MACROD2: variants seen among roughly 807,000 people sequenced by gnomAD.
The protein encoded by MACROD2 is mono-ADP ribosylhydrolase 2, also known as ADP-ribose glycohydrolase MACROD2.
Under a neutral mutation model 70.4 loss-of-function variants are expected in MACROD2, and 36 were observed. The observed-to-expected ratio is 0.51, with a 90% CI of 0.39 to 0.68. The LOEUF (loss-of-function observed/expected upper bound fraction) is 0.68. Ranked by LOEUF, MACROD2 falls within the 30% of genes least tolerant of loss-of-function variation. The pLI is 0.00. For synonymous variants in MACROD2, 172 were observed against 178.8 expected (o/e 0.96, Z 0.30); for missense variants, 496 against 538.4 (o/e 0.92, Z 0.78).
intron 8 of MACROD2, among the ~76,000 whole-genome samples, chr20:15,531,422 A>G (rs2047799884): frequency 6.6e-6 from 1 of 152,004 alleles, no homozygotes; most frequent in African/African-American, 2.4e-5. Context: ...ATATAGAAAA[A>G]TTCAAAACAT....
intron 8 of MACROD2, among the ~76,000 whole-genome samples, chr20:15,822,876 A>T (rs1454527721): frequency 6.6e-6 from 1 of 152,164 alleles, no homozygotes; most frequent in Non-Finnish European, 1.5e-5. Context: ...CTCAGTGACA[A>T]TTTACATGCT....
intron 5 of MACROD2, among the ~76,000 whole-genome samples, chr20:15,221,280 A>G (rs2076859207): frequency 6.6e-6 from 1 of 152,058 alleles, no homozygotes; most frequent in Non-Finnish European, 1.5e-5. Context: ...GTCTATTTGG[A>G]CCTTCACCTC....
At chr20:15,325,198 C>T (rs2077915605) in intron 6 of MACROD2, among the ~76,000 whole-genome samples, 1 of 152,156 alleles carries the variant, frequency 6.6e-6, no homozygotes, top group African/African-American at 2.4e-5. Context: ...CTCTGGATAG[C>T]TAGGAATGTA....
At chr20:15,773,960 C>G (rs1298142819) in intron 8 of MACROD2, among the ~76,000 whole-genome samples, 2 of 152,122 alleles carry the variant, frequency 1.3e-5, no homozygotes, top group Non-Finnish European at 2.9e-5. Flanking sequence ...AATCAAATGT[C>G]TTCCATCAAA....
At chr20:14,232,572 T>C (rs939017741) in intron 3 of MACROD2, among the ~76,000 whole-genome samples, 4 of 152,256 alleles carry the variant, frequency 2.6e-5, no homozygotes, top group Admixed American at 6.5e-5. Flanking sequence ...CTACCTCCGC[T>C]AGCTCCCAGC....
intron 2 of MACROD2, among the ~76,000 whole-genome samples, chr20:14,061,218 T>G (rs2053687210): frequency 6.6e-6 from 1 of 152,190 alleles, no homozygotes. Flanking sequence ...ATTAATAGAC[T>G]ATTCCACTGA....
At chr20:15,245,510 T>A (rs1213690151) in intron 6 of MACROD2, among the ~76,000 whole-genome samples, 2 of 152,202 alleles carry the variant, frequency 1.3e-5, no homozygotes, top group Admixed American at 6.5e-5. Context: ...GCTTAAATAA[T>A]AATTCAATGA....
At chr20:15,374,216 A>G (rs2045531019) in intron 6 of MACROD2, among the ~76,000 whole-genome samples, 1 of 151,942 alleles carries the variant, frequency 6.6e-6, no homozygotes, top group Non-Finnish European at 1.5e-5. Context: ...ATACACACAT[A>G]TAAGTGATTT....
chr20:14,084,668 T>A (rs2054053579), intron 2 of MACROD2, among the ~76,000 whole-genome samples: 1 of 152,172 alleles, frequency 6.6e-6, no homozygotes, highest in Non-Finnish European at 1.5e-5. Context: ...TGGCTTATTT[T>A]AGATATACCT....
chr20:15,862,138 AT>A (rs1293149961), intron 8 of MACROD2, among the ~76,000 whole-genome samples: 1 of 152,202 alleles, frequency 6.6e-6, no homozygotes, highest in Non-Finnish European at 1.5e-5. Flanking sequence ...GCATTTACTT[AT>A]TCAATAATAT....
chr20:14,721,045 G>A (rs1462917596), intron 5 of MACROD2, among the ~76,000 whole-genome samples: 3 of 151,624 alleles, frequency 2.0e-5, no homozygotes, highest in Non-Finnish European at 4.4e-5. Flanking sequence ...GCTTGAGCTC[G>A]GGAGTTAGCG....
chr20:15,355,637 C>G (rs1370001814), intron 6 of MACROD2, among the ~76,000 whole-genome samples: 1 of 152,158 alleles, frequency 6.6e-6, no homozygotes, highest in African/African-American at 2.4e-5. Flanking sequence ...AAAGTTTCAA[C>G]TCTTTAATCA....
chr20:15,864,857 CA>C (rs1004106096), intron 9 of MACROD2, among the ~76,000 whole-genome samples: 3 of 152,048 alleles, frequency 2.0e-5, no homozygotes, highest in Admixed American at 2.0e-4. Flanking sequence ...TCAAAATCCT[CA>C]AAAATTGTGA....
chr20:15,858,285 T>A (rs1216861346), intron 8 of MACROD2, among the ~76,000 whole-genome samples: 1 of 151,232 alleles, frequency 6.6e-6, no homozygotes, highest in African/African-American at 2.4e-5. Context: ...GCCTAACATT[T>A]AAAAAAAAAT....
intron 6 of MACROD2, among the ~76,000 whole-genome samples, chr20:15,241,990 T>C (rs2077064151): frequency 6.6e-6 from 1 of 152,132 alleles, no homozygotes; most frequent in African/African-American, 2.4e-5. Context: ...CCAAGGCATG[T>C]ATTAAATATG....
chr20:14,606,084 C>G (rs1471666167), intron 4 of MACROD2, among the ~76,000 whole-genome samples: 1 of 152,000 alleles, frequency 6.6e-6, no homozygotes, highest in Non-Finnish European at 1.5e-5. Flanking sequence ...AGAATGGGCG[C>G]TTGTTACTAT....
intron 10 of MACROD2, among the ~76,000 whole-genome samples, chr20:15,899,217 CAT>C (rs959599872): frequency 7.3e-5 from 11 of 151,680 alleles, no homozygotes; most frequent in Middle Eastern, 3.2e-3. Flanking sequence ...ATCACACAGA[CAT>C]ATATGTATAT....
At chr20:15,144,986 C>A (rs2076220002) in intron 5 of MACROD2, among the ~76,000 whole-genome samples, 1 of 152,046 alleles carries the variant, frequency 6.6e-6, no homozygotes, top group African/African-American at 2.4e-5. Context: ...TTGTGTGGTA[C>A]ATATATGAGG....
At chr20:14,099,227 A>C (rs1320983980) in intron 3 of MACROD2, among the ~76,000 whole-genome samples, 3 of 151,986 alleles carry the variant, frequency 2.0e-5, no homozygotes, top group Non-Finnish European at 4.4e-5. Context: ...GCAGTGAGCC[A>C]AGATCATGCC....
Sources: allele counts gnomAD v4.1 joint callset (sites outside exome capture counted in the v4.1 genomes callset), GRCh38; gene constraint gnomAD v4.1.1; transcripts MANE v1.5; gene names NCBI Gene and HGNC (gene_info 2026-07-23, HGNC 2026-07-21).